The following KAT7 variants were observed in gnomAD, a reference collection of about 807,000 sequenced individuals.
KAT7 encodes the protein histone acetyltransferase KAT7.
In KAT7, 10 loss-of-function variants were observed where a neutral mutation model predicts 82.1. The ratio of observed to expected loss-of-function variants is 0.12; its 90% confidence interval spans 0.08 to 0.21. The LOEUF is 0.21. Among genes scored for constraint, KAT7 ranks in the 10% least tolerant of loss-of-function variants. The probability of loss-of-function intolerance (pLI) is 1.00; values close to 1 mark genes in which losing one functional copy is unlikely to be tolerated. For synonymous variants in KAT7, 250 were observed against 262.5 expected (o/e 0.95, Z 0.46); for missense variants, 378 against 760.9 (o/e 0.50, Z 5.92).
rs777736678 is a variant in KAT7 at position 49,805,451 on chromosome 17, T to C, written c.663+6T>C. On this transcript the variant is annotated splice_donor_region_variant and intron_variant, in intron 5 of 14. Coordinates refer to ENST00000259021, the MANE Select transcript of KAT7 (RefSeq NM_007067.5). ...TCTCAGCTGACGAATGCAAGGTAAT[T>C]GTGCTCTCATTTATTCAACACATGC... The C allele has an allele frequency of 1.3e-6, 2 of 1,599,580 alleles. No individual in the cohort carries two copies. Among genetic ancestry groups the C allele is most frequent in the East Asian group, 4.5e-5 (2 of 44,774 alleles).
At chr17:49,799,016 C>A (rs756751918) in intron 4 of KAT7, among the ~76,000 whole-genome samples, 1 of 152,210 alleles carries the variant, frequency 6.6e-6, no homozygotes. Context: ...CCCTGGCCTT[C>A]TGTAACTTTA....
rs1337961786 is a variant in KAT7 at position 49,831,963 on chromosome 17, T to C, written c.*4461T>C. The C allele has an allele frequency of 7.0e-6, 1 of 142,792 alleles. No homozygotes were observed. The highest frequency in any genetic ancestry group is 1.5e-5 in the Non-Finnish European group (1 of 65,774). The allele number at this position is 142,792 out of a possible 1,614,324, so 8.8% of individuals were successfully genotyped here. Reference sequence around the variant, plus strand: ...CGTGAGCCATTGCACCCAGCCATTTTTTTTTTTTTTAAGACGACGTCTCAC... The same window carrying C: ...CGTGAGCCATTGCACCCAGCCATTTCTTTTTTTTTTAAGACGACGTCTCAC... On this transcript the variant is annotated 3_prime_UTR_variant, in exon 15 of 15. Transcript: ENST00000259021.
intron 13 of KAT7, 41 bp from the exon 14 acceptor site, chr17:49,826,652 C>G: frequency 2.1e-6 from 3 of 1,404,878 alleles, no homozygotes; most frequent in Non-Finnish European, 3.0e-6. Context: ...GGGGTGGGAA[C>G]CTGCACTTTG....
At chr17:49,790,734 T>C (rs572996534) in intron 1 of KAT7, among the ~76,000 whole-genome samples, 2 of 152,332 alleles carry the variant, frequency 1.3e-5, no homozygotes, top group South Asian at 2.1e-4. Context: ...TATTATGTTT[T>C]GTTATTGGGT....
rs763349929 is a variant in KAT7 at position 49,821,414 on chromosome 17, C to T, written c.1233C>T (p.Gly411=). ...CAATCTCTGTGTTTGAAGTGGATGG[C>T]AAGAAAAACAAGGTAAAAAGTGGTG... ...KGSISVFEVD[G]KKNKIYCQNL... is the part of the protein sequence containing the mutation. The change falls in exon 10 of 15, where the codon GGC becomes GGT. Residue 411 remains glycine (G), a synonymous_variant. Transcript: ENST00000259021. 20 of 1,612,544 alleles carry T rather than the reference C, an allele frequency of 1.2e-5. 1 individual carries two copies. The South Asian group carries it at 2.1e-4, about 17-fold the overall frequency.
intron 9 of KAT7, 105 bp from the exon 10 acceptor site, chr17:49,821,232 C>T (rs567109295): frequency 6.1e-5 from 46 of 749,826 alleles, no homozygotes; most frequent in East Asian, 1.1e-4. Flanking sequence ...TCCAACTGTC[C>T]GGTAGCTCAG....
intron 10 of KAT7, 104 bp downstream of exon 10, chr17:49,821,530 C>T (rs2074303617): frequency 6.7e-7 from 1 of 1,498,110 alleles, no homozygotes; most frequent in African/African-American, 1.4e-5. Flanking sequence ...ACATAGAACT[C>T]TTCTCTTGCC....
chr17:49,800,193 A>T (rs1272827029), intron 4 of KAT7, among the ~76,000 whole-genome samples: 2 of 151,766 alleles, frequency 1.3e-5, no homozygotes, highest in Admixed American at 6.6e-5. Context: ...TTATATTTTT[A>T]GTAGAGATGG....
Position 49,798,425 on chromosome 17 carries a change from C to A in KAT7, c.447C>A (p.His149Gln), listed in dbSNP as rs140362677. 1 of 1,614,202 alleles carries A rather than the reference C, an allele frequency of 6.2e-7. No individual in the cohort carries two copies. The highest frequency in any genetic ancestry group is 2.2e-5 in the East Asian group (1 of 44,894). Reference sequence around the variant, plus strand: ...ACATCTCCAGCCCCAATGTATCTCACGATGAGAGCATTGCCAAGGACATGT... The same window carrying A: ...ACATCTCCAGCCCCAATGTATCTCAAGATGAGAGCATTGCCAAGGACATGT... ...DIDISSPNVS[H>Q]DESIAKDMSL... The change falls in exon 4 of 15, where the codon CAC (histidine) becomes CAA (glutamine). Residue 149 changes from histidine to glutamine, a missense_variant. By Grantham distance (24) the His-to-Gln change is conservative. Transcript: ENST00000259021.
In KAT7 at chr17:49,808,776, C is replaced by A. The variant is rs7214539; in HGVS notation, c.664-343C>A. 1.5e-3 allele frequency among the ~76,000 whole-genome samples: 224 copies of A among 152,242 alleles called. 1 individual carries two copies. Among genetic ancestry groups the A allele is most frequent in the Non-Finnish European group, 2.4e-3 (166 of 67,994 alleles). ...CCAAACCCAGGTTTTCTAATGTTTT[C>A]TTTGTACTTCCATACTCTATTCTTG... is the stretch of plus-strand genomic sequence containing the variant. On this transcript the variant is annotated intron_variant, in intron 5 of 14. Transcript: ENST00000259021.
chr17:49,804,296 G>C (rs1449474316), intron 4 of KAT7, among the ~76,000 whole-genome samples: 2 of 151,614 alleles, frequency 1.3e-5, no homozygotes, highest in East Asian at 3.9e-4. Context: ...GGAGAATGGC[G>C]TGAACCCAGG....
In KAT7 at chr17:49,826,259, C is replaced by T. The variant is rs117211702; in HGVS notation, c.1627+113C>T. 207 of 1,037,626 alleles carry T rather than the reference C, an allele frequency of 2.0e-4. 2 individuals carry two copies. In the East Asian group the frequency reaches 4.4e-3, roughly 22 times the overall value. The allele number at this position is 1,037,626 out of a possible 1,614,324, so 64.3% of individuals were successfully genotyped here. A position where few individuals can be genotyped will look rare whatever the true frequency, so the allele number is the denominator to read the frequency against. On this transcript the variant is annotated intron_variant, in intron 13 of 14. Transcript: ENST00000259021. ...AAGGCCCACTGAATATGGACCACTG[C>T]GGAGACCCTCACTAAAGCTGCCTAG...
At chr17:49,797,759 T>C (rs1358480947) in intron 3 of KAT7, among the ~76,000 whole-genome samples, 2 of 152,258 alleles carry the variant, frequency 1.3e-5, no homozygotes, top group Non-Finnish European at 2.9e-5. Context: ...AATAATTGGC[T>C]GGAGTTGAAT....
chr17:49,824,276 A>G (rs962605963), intron 12 of KAT7, among the ~76,000 whole-genome samples: 19 of 152,298 alleles, frequency 1.2e-4, no homozygotes, highest in African/African-American at 2.9e-4. Flanking sequence ...GTGTTATTCT[A>G]TATTTGATGT....
At position 49,817,909 on chromosome 17, in the gene KAT7, T is replaced by C. The variant is rs17853073; in HGVS notation, c.1053T>C (p.Tyr351=). The stretch of plus-strand genomic sequence containing the variant: ...GCCGCTATGAGCTTGATACCTGGTA[T>C]CATTCTCCATATCCTGAAGAATATG... ...AFGRYELDTW[Y]HSPYPEEYAR... is the part of the protein sequence containing the mutation. The change falls in exon 9 of 15, where the codon TAT becomes TAC. Residue 351 remains tyrosine, a synonymous_variant. Transcript: ENST00000259021. 6.8e-3 allele frequency: 10,943 copies of C among 1,613,032 alleles called. 646 individuals carry two copies. The African/African-American group carries it at 0.13, about 19-fold the overall frequency.
chr17:49,799,834 T>G (rs2074000959), intron 4 of KAT7, among the ~76,000 whole-genome samples: 1 of 151,790 alleles, frequency 6.6e-6, no homozygotes, highest in African/African-American at 2.4e-5. Context: ...TGGCTTTTTT[T>G]TTTTTTTCTT....
intron 9 of KAT7, 90 bp from the exon 10 acceptor site, chr17:49,821,247 C>A: frequency 1.1e-6 from 1 of 904,776 alleles, no homozygotes. Flanking sequence ...GCTCAGTTAA[C>A]CACATTTGAC....
At chr17:49,803,678 C>G (rs1598062551) in intron 4 of KAT7, among the ~76,000 whole-genome samples, 1 of 152,092 alleles carries the variant, frequency 6.6e-6, no homozygotes, top group East Asian at 1.9e-4. Context: ...CCTGCCTCGC[C>G]CTCCCAAAGT....
Position 49,826,171 on chromosome 17 carries a change from GTTGA to G in KAT7, c.1627+29_1627+32del, listed in dbSNP as rs770265844. ...GGTTGGTTTTTGACTCCTTGGAATG[GTTGA>G]TTGTTACCCAAGAAGTTAACTCTAC... On this transcript the variant is annotated intron_variant, in intron 13 of 14. Coordinates refer to ENST00000259021, the MANE Select transcript of KAT7 (RefSeq NM_007067.5). 138 of 1,606,896 alleles carry G rather than the reference GTTGA, an allele frequency of 8.6e-5. 3 individuals are homozygous for G. The South Asian group carries it at 1.4e-3, about 17-fold the overall frequency.
Sources: gnomAD v4.1 joint callset for allele counts (sites outside exome capture counted in the v4.1 genomes callset) on GRCh38, gnomAD v4.1.1 for gene constraint, MANE v1.5 for transcripts, NCBI Gene and HGNC (gene_info 2026-07-23, HGNC 2026-07-21) for gene names.